The following THRSP variants were observed in gnomAD, a reference collection of about 807,000 sequenced individuals.
The protein encoded by THRSP is thyroid hormone responsive, also known as thyroid hormone-inducible hepatic protein.
THRSP carries 9 observed loss-of-function variants against 11.1 expected under a neutral mutation model. That is an observed-to-expected ratio of 0.81 (90% CI 0.49 to 1.42). The LOEUF (loss-of-function observed/expected upper bound fraction) is 1.42, where lower values mean the gene tolerates loss of function less well. Ranked by LOEUF, THRSP falls within the 40% of genes most tolerant of loss-of-function variation. The pLI is 0.00. For synonymous variants in THRSP, 73 were observed against 78.1 expected (o/e 0.94, Z 0.34); for missense variants, 177 against 188.2 (o/e 0.94, Z 0.35).
chr11:78,064,401 G>T, intron 1 of THRSP, 60 bp downstream of exon 1: 1 of 1,444,020 alleles, frequency 6.9e-7, no homozygotes. Flanking sequence ...GAGAGGAGAG[G>T]GGGCAGTGGT....
chr11:78,067,427 C>T (rs1450272327), intron 1 of THRSP, among the ~76,000 whole-genome samples: 1 of 152,204 alleles, frequency 6.6e-6, no homozygotes, highest in African/African-American at 2.4e-5. Context: ...CGGCCCTAGA[C>T]AACTTATCTT....
At chr11:78,066,854 G>A (rs1858759783) in intron 1 of THRSP, among the ~76,000 whole-genome samples, 1 of 151,950 alleles carries the variant, frequency 6.6e-6, no homozygotes, top group Non-Finnish European at 1.5e-5. Context: ...TTGAGATGGA[G>A]TCTCACCCTA....
chr11:78,066,541 G>A (rs1432363626), intron 1 of THRSP, among the ~76,000 whole-genome samples: 2 of 152,204 alleles, frequency 1.3e-5, no homozygotes, highest in Non-Finnish European at 2.9e-5. Context: ...GTAAATAACA[G>A]CCAAGATGTG....
rs747230747 is a variant in THRSP at position 78,063,966 on chromosome 11, C to A, written c.85C>A (p.Gln29Lys). 4.6e-5 allele frequency: 75 copies of A among 1,613,864 alleles called. No homozygotes were observed. Among genetic ancestry groups the A allele is most frequent in the Non-Finnish European group, 6.0e-5 (71 of 1,179,972 alleles). Residue 29 changes from glutamine to lysine, a missense_variant, in exon 1 of 2, where the codon CAG (glutamine) becomes AAG (lysine). Coordinates refer to ENST00000281030, the MANE Select transcript of THRSP (RefSeq NM_003251.4). ...TGCAGCCGAGGTGCACAACATGGAG[C>A]AGGTGGTGATGATCCCCAGCCTTCT... Reference protein sequence around the residue: ...RYAAEVHNMEQVVMIPSLLRD... With the variant: ...RYAAEVHNMEKVVMIPSLLRD...
rs578118917 is a variant in THRSP at position 78,066,794 on chromosome 11, T to C, written c.*20-865T>C. On this transcript the variant is annotated intron_variant, in intron 1 of 1. Transcript: ENST00000281030. ...TAGCAACAGTTAAAAATCTGGGCTC[T>C]TGTTCTGGCTCTTCCATTGACTTCT... is the stretch of plus-strand genomic sequence containing the variant. Among the ~76,000 whole-genome samples, 8 of 152,290 alleles carry C rather than the reference T, an allele frequency of 5.3e-5. No individual in the cohort carries two copies. The South Asian group carries it at 1.7e-3, about 32-fold the overall frequency.
chr11:78,064,584 AG>A (rs1858677998), intron 1 of THRSP, among the ~76,000 whole-genome samples: 1 of 152,226 alleles, frequency 6.6e-6, no homozygotes, highest in South Asian at 2.1e-4. Context: ...GTGGCCTGTG[AG>A]GGCATATCTC....
intron 1 of THRSP, among the ~76,000 whole-genome samples, chr11:78,066,943 A>C (rs898777475): frequency 6.6e-6 from 1 of 151,414 alleles, no homozygotes; most frequent in African/African-American, 2.4e-5. Flanking sequence ...CTCCTGCCTC[A>C]GCCACCCGAG....
chr11:78,064,395 G>C, intron 1 of THRSP, 54 bp downstream of exon 1: 2 of 1,468,918 alleles, frequency 1.4e-6, no homozygotes, highest in Non-Finnish European at 1.8e-6. Flanking sequence ...TTCCAGGAGA[G>C]GAGAGGGGGC....
chr11:78,065,377 G>A (rs142973279), intron 1 of THRSP, among the ~76,000 whole-genome samples: 2 of 152,288 alleles, frequency 1.3e-5, no homozygotes, highest in African/African-American at 4.8e-5. Flanking sequence ...CAGCAAGCTA[G>A]ACAAGCAGGT....
chr11:78,064,048 T>G lies in THRSP; in HGVS notation c.167T>G (p.Leu56Arg). 1.9e-6 allele frequency: 3 copies of G among 1,614,166 alleles called. No individual in the cohort carries two copies. Among genetic ancestry groups the G allele is most frequent in the African/African-American group, 1.3e-5 (1 of 75,056 alleles). ...GGQAQAEAPD[L>R]YTYFTMLKAI... ...CAGGCCCAGGCTGAGGCCCCTGATC[T>G]CTACACCTACTTCACCATGCTCAAG... is the stretch of plus-strand genomic sequence containing the variant. Residue 56 changes from leucine (L) to arginine (R), a missense_variant, in exon 1 of 2, where the codon CTC (leucine) becomes CGC (arginine). Physicochemically the swap from Leu to Arg is moderately radical, Grantham distance 102. Transcript: ENST00000281030.
intron 1 of THRSP, among the ~76,000 whole-genome samples, chr11:78,066,943 A>G (rs898777475): frequency 2.0e-5 from 3 of 151,414 alleles, no homozygotes; most frequent in Non-Finnish European, 2.9e-5. Flanking sequence ...CTCCTGCCTC[A>G]GCCACCCGAG....
intron 1 of THRSP, among the ~76,000 whole-genome samples, chr11:78,066,439 A>C (rs988000129): frequency 4.6e-5 from 7 of 152,230 alleles, no homozygotes; most frequent in African/African-American, 1.7e-4. Flanking sequence ...TGCTGGGATT[A>C]CAGGCATGAG....
At chr11:78,065,915 C>T (rs915903995) in intron 1 of THRSP, among the ~76,000 whole-genome samples, 1 of 152,198 alleles carries the variant, frequency 6.6e-6, no homozygotes, top group Non-Finnish European at 1.5e-5. Flanking sequence ...AACCCTTCTT[C>T]CCTCTCCCGT....
intron 1 of THRSP, among the ~76,000 whole-genome samples, chr11:78,065,723 T>G (rs1471894445): frequency 6.6e-6 from 1 of 152,198 alleles, no homozygotes; most frequent in African/African-American, 2.4e-5. Context: ...GAGCTGAGTG[T>G]TCTTTCCATC....
Position 78,064,268 on chromosome 11 carries a change from G to GA in THRSP, c.390dup (p.Ala131SerfsTer22), listed in dbSNP as rs1363870698. 6.2e-7 allele frequency: 1 copy of GA among 1,613,824 alleles called. No homozygotes were observed. Among genetic ancestry groups the GA allele is most frequent in the East Asian group, 2.2e-5 (1 of 44,884 alleles). ...ATCACATCCTCATGCACCTCACCGAGAAAGCCCAGGAGGTGACAAGGAAAT... is the reference window on the plus strand; with the variant it reads ...ATCACATCCTCATGCACCTCACCGAGAAAAGCCCAGGAGGTGACAAGGAAAT... On this transcript the variant is annotated frameshift_variant, in exon 1 of 2. Transcript: ENST00000281030. LOFTEE classifies it high-confidence loss of function.
chr11:78,064,870 T>G (rs1289356750), intron 1 of THRSP, among the ~76,000 whole-genome samples: 1 of 151,534 alleles, frequency 6.6e-6, no homozygotes, highest in Non-Finnish European at 1.5e-5. Flanking sequence ...GTGCCTGTAG[T>G]CCCAGCTACT....
intron 1 of THRSP, among the ~76,000 whole-genome samples, chr11:78,064,725 G>A (rs947565148): frequency 2.2e-4 from 34 of 152,102 alleles, no homozygotes; most frequent in Admixed American, 6.6e-5. Flanking sequence ...GGCCAGGCGC[G>A]GTGGCTCACA....
intron 1 of THRSP, among the ~76,000 whole-genome samples, chr11:78,064,622 G>T (rs1209447534): frequency 6.6e-6 from 1 of 152,194 alleles, no homozygotes; most frequent in Non-Finnish European, 1.5e-5. Flanking sequence ...GTTTGTGCAT[G>T]TGTGCATTTA....
chr11:78,066,055 T>A (rs954121034), intron 1 of THRSP, among the ~76,000 whole-genome samples: 1 of 152,270 alleles, frequency 6.6e-6, no homozygotes, highest in African/African-American at 2.4e-5. Context: ...TTCATTTCTC[T>A]GGGTTTCAGC....
Sources: gnomAD v4.1 joint callset for allele counts (sites outside exome capture counted in the v4.1 genomes callset) on GRCh38, gnomAD v4.1.1 for gene constraint, MANE v1.5 for transcripts, NCBI Gene and HGNC (gene_info 2026-07-23, HGNC 2026-07-21) for gene names.